The following SNX18 variants were observed in gnomAD, a reference collection of about 807,000 sequenced individuals.
SNX18 encodes sorting nexin-18.
In SNX18, 35 loss-of-function variants were observed where a neutral mutation model predicts 48.7. That is an observed-to-expected ratio of 0.72 (90% CI 0.55 to 0.95). The LOEUF (loss-of-function observed/expected upper bound fraction) is 0.95, where lower values mean the gene tolerates loss of function less well. Ranked by LOEUF, SNX18 falls within the 40% of genes least tolerant of loss-of-function variation. The pLI is 0.00. For synonymous variants in SNX18, 492 were observed against 384.7 expected (o/e 1.28, Z -3.26); for missense variants, 824 against 871.0 (o/e 0.95, Z 0.68).
At chr5:54,525,965 A>G (rs1028859421) in intron 1 of SNX18, among the ~76,000 whole-genome samples, 1 of 152,168 alleles carries the variant, frequency 6.6e-6, no homozygotes, top group Admixed American at 6.5e-5. Context: ...TTACCTCACT[A>G]GGAACTTCGA....
At chr5:54,643,509 A>C in the SNX18 span, 1 of 152,180 alleles carries the variant, frequency 6.6e-6, no homozygotes, top group Non-Finnish European at 1.5e-5. Context: ...TTTTTAAAAA[A>C]CGACTTTTGG....
the SNX18 span, among the ~76,000 whole-genome samples, chr5:54,626,558 G>C: frequency 6.6e-6 from 1 of 152,186 alleles, no homozygotes; most frequent in African/African-American, 2.4e-5. Context: ...GTTTGTGTCT[G>C]GATGAACTTT....
At chr5:54,583,324 A>G in the SNX18 span, among the ~76,000 whole-genome samples, 1 of 152,214 alleles carries the variant, frequency 6.6e-6, no homozygotes, top group Non-Finnish European at 1.5e-5. Flanking sequence ...CTGAGAACAT[A>G]GTATTTGACA....
chr5:54,588,400 T>G, the SNX18 span, among the ~76,000 whole-genome samples: 1 of 135,442 alleles, frequency 7.4e-6, no homozygotes, highest in Non-Finnish European at 1.5e-5. Flanking sequence ...TGATCTCAGC[T>G]CACTGCAAGC....
At chr5:54,633,850 A>T in the SNX18 span, among the ~76,000 whole-genome samples, 1 of 152,164 alleles carries the variant, frequency 6.6e-6, no homozygotes, top group South Asian at 2.1e-4. Context: ...CTGAGGCCCT[A>T]CCTTGTGCAA....
Position 54,518,715 on chromosome 5 carries a change from G to A in SNX18, c.763G>A (p.Gly255Arg), listed in dbSNP as rs368335835. ...GGAGGCGTCAGGCTTCGTGAAGGAC[G>A]GGGACAAGCTGTGCGTGGTGCTGGG... is the stretch of plus-strand genomic sequence containing the variant. ...LGEASGFVKD[G>R]DKLCVVLGPY... Residue 255 changes from glycine to arginine, a missense_variant, in exon 1 of 2, where the codon GGG becomes AGG. Physicochemically the swap from Gly to Arg is moderately radical, Grantham distance 125. Coordinates refer to ENST00000381410, the MANE Select transcript of SNX18 (RefSeq NM_001102575.2). The A allele has an allele frequency of 2.5e-6, 4 of 1,595,292 alleles. No individual in the cohort carries two copies. The highest frequency in any genetic ancestry group is 1.1e-5 in the South Asian group (1 of 88,684).
At chr5:54,596,157 T>G in the SNX18 span, among the ~76,000 whole-genome samples, 3 of 152,222 alleles carry the variant, frequency 2.0e-5, no homozygotes, top group Non-Finnish European at 2.9e-5. Context: ...TCCAGAGTCT[T>G]GGTCTTCCCC....
the SNX18 span, among the ~76,000 whole-genome samples, chr5:54,590,305 G>T: frequency 3.3e-5 from 5 of 152,216 alleles, no homozygotes; most frequent in Non-Finnish European, 7.3e-5. Context: ...CCAGCAGAGG[G>T]TGTTTGATTT....
downstream of SNX18, among the ~76,000 whole-genome samples, chr5:54,550,047 C>T (rs1417973799): frequency 6.6e-6 from 1 of 152,184 alleles, no homozygotes; most frequent in Non-Finnish European, 1.5e-5. Flanking sequence ...AATTAAGGTT[C>T]AGCTTAAAGC....
At chr5:54,590,625 G>T in the SNX18 span, among the ~76,000 whole-genome samples, 4 of 151,842 alleles carry the variant, frequency 2.6e-5, no homozygotes, top group African/African-American at 9.7e-5. Context: ...CCCAATCTTT[G>T]GTCTTTATTC....
the SNX18 span, among the ~76,000 whole-genome samples, chr5:54,611,513 G>A: frequency 1.8e-4 from 28 of 152,226 alleles, no homozygotes; most frequent in African/African-American, 6.0e-4. Context: ...CTGACTAATG[G>A]TGTCTGGAAT....
chr5:54,525,150 G>A (rs143182003), intron 1 of SNX18, among the ~76,000 whole-genome samples: 44 of 152,308 alleles, frequency 2.9e-4, no homozygotes, highest in Middle Eastern at 6.8e-3. Flanking sequence ...GCCAAGTGGG[G>A]GCACTTCCTC....
At chr5:54,548,036 C>CA (rs1762601559), downstream of SNX18, among the ~76,000 whole-genome samples, 1 of 152,164 alleles carries the variant, frequency 6.6e-6, no homozygotes, top group Non-Finnish European at 1.5e-5. Flanking sequence ...CAGTGGAAGC[C>CA]AGGCCTCTGA....
At chr5:54,646,918 C>T in the SNX18 span, among the ~76,000 whole-genome samples, 1 of 152,158 alleles carries the variant, frequency 6.6e-6, no homozygotes, top group East Asian at 1.9e-4. Context: ...GCTGTGCTGC[C>T]TTTCTCCAAG....
chr5:54,642,809 T>A, the SNX18 span, among the ~76,000 whole-genome samples: 1 of 152,212 alleles, frequency 6.6e-6, no homozygotes, highest in African/African-American at 2.4e-5. Flanking sequence ...CTCCCTACTG[T>A]CAATTGTATC....
chr5:54,586,468 C>T, the SNX18 span, among the ~76,000 whole-genome samples: 1 of 152,054 alleles, frequency 6.6e-6, no homozygotes, highest in African/African-American at 2.4e-5. Flanking sequence ...TGATTTGACT[C>T]ATGGTTCTAG....
the SNX18 span, among the ~76,000 whole-genome samples, chr5:54,574,199 T>C: frequency 6.6e-6 from 1 of 152,240 alleles, no homozygotes; most frequent in South Asian, 2.1e-4. Context: ...GGCTGTCACC[T>C]GGGACCTCAC....
the SNX18 span, among the ~76,000 whole-genome samples, chr5:54,618,702 A>G: frequency 2.0e-5 from 3 of 152,326 alleles, no homozygotes; most frequent in East Asian, 5.8e-4. Context: ...AGGAAAGGGA[A>G]CCCCAAATGT....
the SNX18 span, among the ~76,000 whole-genome samples, chr5:54,615,893 TGAATATAA>T: frequency 1.3e-5 from 2 of 152,146 alleles, no homozygotes; most frequent in Non-Finnish European, 2.9e-5. Context: ...ATCTGTTTGG[TGAATATAA>T]AGATAAGTAG....
Sources: allele counts gnomAD v4.1 joint callset (sites outside exome capture counted in the v4.1 genomes callset), GRCh38; gene constraint gnomAD v4.1.1; transcripts MANE v1.5; gene names NCBI Gene and HGNC (gene_info 2026-07-23, HGNC 2026-07-21).